MROH7: variants seen among roughly 807,000 people sequenced by gnomAD.
MROH7 encodes the protein maestro heat like repeat family member 7, also known as maestro heat-like repeat-containing protein family member 7.
MROH7 carries 113 observed loss-of-function variants against 129.2 expected under a neutral mutation model. The ratio of observed to expected loss-of-function variants is 0.87; its 90% CI spans 0.75 to 1.02. The LOEUF is 1.02. Among genes scored for constraint, MROH7 ranks in the 50% least tolerant of loss-of-function variants. The pLI is 0.00. For synonymous variants in MROH7, 655 were observed against 667.9 expected (o/e 0.98, Z 0.30); for missense variants, 1,601 against 1,671.3 (o/e 0.96, Z 0.73).
chr1:54,689,172 T>G (rs1276793876), intron 15 of MROH7, among the ~76,000 whole-genome samples: 2 of 152,196 alleles, frequency 1.3e-5, no homozygotes, highest in Non-Finnish European at 2.9e-5. Context: ...ATTAACCATG[T>G]GGGCACTGAA....
chr1:54,704,429 ATTTTTTTTTTT>A (rs34380712), intron 21 of MROH7, among the ~76,000 whole-genome samples: 1 of 112,284 alleles, frequency 8.9e-6, no homozygotes, highest in Non-Finnish European at 1.8e-5. Context: ...CTAGAAACCT[ATTTTTTTTTTT>A]TTTTTTTTTT....
chr1:54,675,356 T>G (rs1644964288), intron 10 of MROH7, among the ~76,000 whole-genome samples: 1 of 152,218 alleles, frequency 6.6e-6, no homozygotes, highest in Admixed American at 6.5e-5. Flanking sequence ...CCACACATTA[T>G]AGGCACTTGT....
rs1401909756 is a variant in MROH7 at position 54,674,103 on chromosome 1, G to A, written c.1888G>A (p.Ala630Thr). 1 of 1,613,820 alleles carries A rather than the reference G, an allele frequency of 6.2e-7. No individual in the cohort carries two copies. Among genetic ancestry groups the A allele is most frequent in the African/African-American group, 1.3e-5 (1 of 74,888 alleles). The stretch of plus-strand genomic sequence containing the variant: ...TCCTGATGAGGAGATTGGCTGTGAG[G>A]CTCTGGACGGCATCATCATCCTCTA... ...GDPDEEIGCEALDGIIILYTI... is the reference protein window; with the variant it reads ...GDPDEEIGCETLDGIIILYTI... Residue 630 changes from alanine to threonine, a missense_variant, in exon 10 of 24, where the codon GCT (alanine) becomes ACT (threonine). Physicochemically the swap from Ala to Thr is moderately conservative, Grantham distance 58 (BLOSUM62 0). Coordinates refer to ENST00000421030, the MANE Select transcript of MROH7 (RefSeq NM_001039464.4).
intron 13 of MROH7, 24 bp downstream of exon 13, chr1:54,680,069 C>T: frequency 6.2e-7 from 1 of 1,608,786 alleles, no homozygotes; most frequent in Non-Finnish European, 8.5e-7. Context: ...GGGTTCCCAG[C>T]CACTGCATCT....
rs980049650 is a variant in MROH7, at chr1:54,700,331, T to A, written c.2975T>A (p.Met992Lys). 1.2e-6 allele frequency: 2 copies of A among 1,613,990 alleles called. No homozygotes were observed. The highest frequency in any genetic ancestry group is 1.7e-6 in the Non-Finnish European group (2 of 1,180,020). ...ATAFFVELLQ[M>K]EQVRRIPEEY... ...CCTTTGCTCCCTCAGCTCCTCCAGA[T>A]GGAGCAGGTGCGCCGGATCCCCGAG... The change falls in exon 18 of 24, where the codon ATG (methionine) becomes AAG (lysine). Residue 992 changes from methionine (M) to lysine (K), a missense_variant. Met to Lys is a moderately conservative substitution (Grantham distance 95). Coordinates refer to ENST00000421030, the MANE Select transcript of MROH7 (RefSeq NM_001039464.4).
In MROH7 at chr1:54,708,488, C is replaced by G. The variant is rs367583531; in HGVS notation, c.3668-526C>G. Reference sequence around the variant, plus strand: ...TGAGAGGTACAGCCCATTTAAGGACCTGCAAATACTGCAGGAGCCAGGCTC... The same window carrying G: ...TGAGAGGTACAGCCCATTTAAGGACGTGCAAATACTGCAGGAGCCAGGCTC... On this transcript the variant is annotated intron_variant, in intron 22 of 23. Transcript: ENST00000421030. 5.6e-4 allele frequency among the ~76,000 whole-genome samples: 85 copies of G among 152,218 alleles called. No homozygotes were observed. The South Asian group carries it at 0.017, about 31-fold the overall frequency.
At chr1:54,702,345 G>A in intron 20 of MROH7, 100 bp downstream of exon 20, 1 of 1,121,024 alleles carries the variant, frequency 8.9e-7, no homozygotes, top group East Asian at 3.0e-5. Context: ...CAATCCTGGG[G>A]GCAGTTATGT....
At chr1:54,667,582 A>G (rs1644832774) in intron 4 of MROH7, among the ~76,000 whole-genome samples, 2 of 152,032 alleles carry the variant, frequency 1.3e-5, no homozygotes, top group Admixed American at 6.6e-5. Flanking sequence ...CAGCCTCCCA[A>G]GTAGCTGGGA....
At chr1:54,683,668 G>A (rs1031658968) in intron 14 of MROH7, among the ~76,000 whole-genome samples, 6 of 152,094 alleles carry the variant, frequency 3.9e-5, no homozygotes, top group African/African-American at 1.2e-4. Context: ...GCTTCCCCAC[G>A]CTCCATGGTC....
chr1:54,704,338 C>G (rs1423024117), intron 21 of MROH7, among the ~76,000 whole-genome samples: 2 of 152,070 alleles, frequency 1.3e-5, no homozygotes, highest in Non-Finnish European at 2.9e-5. Context: ...GAGCCCAGAC[C>G]CCGTTGAAGG....
At position 54,653,229 on chromosome 1, in the gene MROH7, T is replaced by C; in HGVS notation, c.303T>C (p.Ser101=). 6.2e-7 allele frequency: 1 copy of C among 1,614,220 alleles called. No individual in the cohort carries two copies. Among genetic ancestry groups the C allele is most frequent in the Non-Finnish European group, 8.5e-7 (1 of 1,180,044 alleles). Residue 101 remains serine, a synonymous_variant, in exon 3 of 24, where the codon TCT becomes TCC. Coordinates refer to ENST00000421030, the MANE Select transcript of MROH7 (RefSeq NM_001039464.4). ...PASLQITSSC[S]GEALDLDSKD... Reference sequence around the variant, plus strand: ...CCCTCCAGATCACCAGTTCTTGTTCTGGTGAAGCCCTGGACCTGGATTCCA... The same window carrying C: ...CCCTCCAGATCACCAGTTCTTGTTCCGGTGAAGCCCTGGACCTGGATTCCA...
chr1:54,658,482 G>A (rs746678125), intron 3 of MROH7, among the ~76,000 whole-genome samples: 1 of 152,038 alleles, frequency 6.6e-6, no homozygotes, highest in Non-Finnish European at 1.5e-5. Flanking sequence ...TTTAATAGGA[G>A]CATTTTGTCC....
intron 17 of MROH7, among the ~76,000 whole-genome samples, chr1:54,696,120 A>G (rs1256032040): frequency 6.6e-6 from 1 of 152,128 alleles, no homozygotes; most frequent in African/African-American, 2.4e-5. Context: ...ACACACATTG[A>G]TTCATTTGGT....
intron 14 of MROH7, among the ~76,000 whole-genome samples, chr1:54,685,937 C>T (rs1259255741): frequency 6.6e-6 from 1 of 152,178 alleles, no homozygotes; most frequent in African/African-American, 2.4e-5. Flanking sequence ...TCCGCCTCCT[C>T]ATCTGCAAAA....
At chr1:54,671,006 C>T in intron 7 of MROH7, 77 bp downstream of exon 7, 4 of 1,465,646 alleles carry the variant, frequency 2.7e-6, no homozygotes, top group Non-Finnish European at 3.6e-6. Context: ...CATCCTCCGG[C>T]TCATTGGTCT....
At chr1:54,668,790 A>G in intron 4 of MROH7, 64 bp from the exon 5 acceptor site, 1 of 1,300,262 alleles carries the variant, frequency 7.7e-7, no homozygotes, top group Non-Finnish European at 1.1e-6. Flanking sequence ...CTGTATGGGC[A>G]ACCCCTGAGG....
At chr1:54,702,860 A>T (rs1420530875) in intron 21 of MROH7, 115 bp downstream of exon 21, 9 of 1,311,192 alleles carry the variant, frequency 6.9e-6, no homozygotes, top group Non-Finnish European at 8.4e-6. Flanking sequence ...ACCAACTACA[A>T]GTTGTTGGTT....
In MROH7 at chr1:54,670,902, G is replaced by A. The variant is rs778535173; in HGVS notation, c.1572G>A (p.Lys524=). 13 of 1,609,684 alleles carry A rather than the reference G, an allele frequency of 8.1e-6. No individual in the cohort carries two copies. In the South Asian group the frequency reaches 1.0e-4, roughly 12 times the overall value. The stretch of plus-strand genomic sequence containing the variant: ...CCTCCGTGCAGGCGATGCAGGAGAA[G>A]GACGAGGCCAAGGCTGAGACCATCC... ...SLPSVQAMQE[K]DEAKAETIQA... The change falls in exon 7 of 24, where the codon AAG becomes AAA. Residue 524 remains lysine, a synonymous_variant. Coordinates refer to ENST00000421030, the MANE Select transcript of MROH7 (RefSeq NM_001039464.4).
chr1:54,679,774 G>T, intron 12 of MROH7, 117 bp from the exon 13 acceptor site: 1 of 991,686 alleles, frequency 1.0e-6, no homozygotes, highest in Non-Finnish European at 1.5e-6. Flanking sequence ...TCTCTCCTTT[G>T]GGCCTTCTCC....
Sources: gnomAD v4.1 joint callset for allele counts (sites outside exome capture counted in the v4.1 genomes callset) on GRCh38, gnomAD v4.1.1 for gene constraint, MANE v1.5 for transcripts, NCBI Gene and HGNC (gene_info 2026-07-23, HGNC 2026-07-21) for gene names.